FRMD7: variants seen among roughly 807,000 people sequenced by gnomAD.
FRMD7 encodes the protein FERM domain-containing protein 7.
A neutral mutation model predicts 44.1 loss-of-function variants in FRMD7; 14 were observed. That is an observed-to-expected ratio of 0.32 (90% CI 0.21 to 0.50). FRMD7 has a LOEUF of 0.50. Among genes scored for constraint, FRMD7 ranks in the 20% least tolerant of loss-of-function variants. The pLI is 0.99. For missense variants in FRMD7, 501 were observed against 522.3 expected (o/e 0.96, Z 0.40); for synonymous variants, 212 against 187.4 (o/e 1.13, Z -1.07).
chrX:132,111,918 C>T (rs933465189), intron 1 of FRMD7, among the ~76,000 whole-genome samples: 3 of 112,243 alleles, frequency 2.7e-5, no homozygotes, highest in African/African-American at 9.7e-5. Context: ...AGAGCTTAAA[C>T]CCCTCTGAAG....
intron 1 of FRMD7, among the ~76,000 whole-genome samples, chrX:132,120,228 T>A (rs185246422): frequency 3.6e-5 from 4 of 112,580 alleles, no homozygotes; most frequent in Admixed American, 1.9e-4. Flanking sequence ...TTGTGACAGG[T>A]CAAAACAATG....
chrX:132,124,353 C>T (rs990559151), intron 1 of FRMD7, among the ~76,000 whole-genome samples: 11 of 111,611 alleles, frequency 9.9e-5, no homozygotes, highest in East Asian at 5.6e-4. Context: ...ATAAGCTGTC[C>T]GTTGTAAGAT....
At chrX:132,106,353 C>T (rs1928647402) in intron 1 of FRMD7, among the ~76,000 whole-genome samples, 1 of 111,489 alleles carries the variant, frequency 9.0e-6, no homozygotes, top group Non-Finnish European at 1.9e-5. Flanking sequence ...TAATGACTAT[C>T]ATTAAAAAGT....
Position 132,124,639 on chromosome X carries a change from A to T in FRMD7, c.57+3149T>A, listed in dbSNP as rs531478269. On this transcript the variant is annotated intron_variant, in intron 1 of 11. Transcript: ENST00000298542. ...GAGCACAAATATGCAAAGAAACCTCAGGAAAACAAGATGTATTTGGGAGCA... is the reference window on the plus strand; with the variant it reads ...GAGCACAAATATGCAAAGAAACCTCTGGAAAACAAGATGTATTTGGGAGCA... Among the ~76,000 whole-genome samples the T allele has an allele frequency of 2.7e-5, 3 of 112,367 alleles. No individual in the cohort carries two copies. In the South Asian group the frequency reaches 1.1e-3, roughly 41 times the overall value.
intron 1 of FRMD7, among the ~76,000 whole-genome samples, chrX:132,123,321 A>G (rs1206251962): frequency 9.0e-6 from 1 of 111,630 alleles, no homozygotes; most frequent in Non-Finnish European, 1.9e-5. Flanking sequence ...CCTAATTTGT[A>G]TTACTCCTCG....
Position 132,103,508 on chromosome X carries a change from CTATCTATCTATCT to C in FRMD7, c.58-2805_58-2793del, listed in dbSNP as rs1277614353. ...AATGTCTATCTATCTATCTATCTAT[CTATCTATCTATCT>C]ATCTATCTATCTCTATAATTTAAAC... On this transcript the variant is annotated intron_variant, in intron 1 of 11. Transcript: ENST00000298542. Among the ~76,000 whole-genome samples the C allele has an allele frequency of 6.4e-5, 7 of 109,809 alleles. No individual in the cohort carries two copies. The East Asian group carries it at 2.0e-3, about 31-fold the overall frequency.
At chrX:132,125,855 T>C (rs1424208476) in intron 1 of FRMD7, among the ~76,000 whole-genome samples, 1 of 111,488 alleles carries the variant, frequency 9.0e-6, no homozygotes, top group Non-Finnish European at 1.9e-5. Flanking sequence ...GAGTTCTGGA[T>C]TGGAAGTCCA....
intron 5 of FRMD7, among the ~76,000 whole-genome samples, chrX:132,089,464 G>A (rs1018130294): frequency 5.4e-5 from 6 of 111,393 alleles, no homozygotes; most frequent in South Asian, 7.5e-4. Flanking sequence ...ATACAACACC[G>A]AAAGAATGAT....
rs145634694 is a variant in FRMD7 at position 132,079,178 on chromosome X, C to T, written c.1051-212G>A. Among the ~76,000 whole-genome samples, 668 of 112,369 alleles carry T rather than the reference C, an allele frequency of 5.9e-3. 5 individuals carry two copies. Among genetic ancestry groups the T allele is most frequent in the African/African-American group, 0.02 (628 of 31,001 alleles). ...CATGTGTTAAAAAGTACATGTGACACTATTCTTTCTCAATGCCATCCTACT... is the reference window on the plus strand; with the variant it reads ...CATGTGTTAAAAAGTACATGTGACATTATTCTTTCTCAATGCCATCCTACT... On this transcript the variant is annotated intron_variant, in intron 11 of 11. Transcript: ENST00000298542.
chrX:132,110,088 C>A (rs1928739882), intron 1 of FRMD7, among the ~76,000 whole-genome samples: 1 of 111,219 alleles, frequency 9.0e-6, no homozygotes, highest in Non-Finnish European at 1.9e-5. Context: ...GCTGCCCAAG[C>A]TGTAAAGTGC....
Position 132,100,679 on chromosome X carries a change from C to T in FRMD7, c.95G>A (p.Cys32Tyr), listed in dbSNP as rs766245196. ...SSGKALFNLSCSHLNLAEKEY... is the reference protein window; with the variant it reads ...SSGKALFNLSYSHLNLAEKEY... ...CTTTTCAGCAAGATTTAGATGGCTG[C>T]AACTCAGGTTAAACAATGCCTTCCC... Residue 32 changes from cysteine to tyrosine, a missense_variant, in exon 2 of 12, where the codon TGC becomes TAC. Cys to Tyr is a radical substitution (Grantham distance 194). Around this residue, in one of 3 missense-constraint regions of FRMD7, gnomAD observed 24 missense variants for 21.6 expected, o/e 1.11. Coordinates refer to ENST00000298542, the MANE Select transcript of FRMD7 (RefSeq NM_194277.3). 7.5e-6 allele frequency: 9 copies of T among 1,207,777 alleles called. No individual in the cohort carries two copies. The East Asian group carries it at 2.7e-4, about 36-fold the overall frequency.
intron 5 of FRMD7, among the ~76,000 whole-genome samples, chrX:132,093,274 A>G (rs1569343400): frequency 8.9e-6 from 1 of 112,504 alleles, no homozygotes; most frequent in Admixed American, 9.4e-5. Context: ...TGAACTTAAG[A>G]TACAAAAAAT....
intron 5 of FRMD7, among the ~76,000 whole-genome samples, chrX:132,092,077 C>T (rs983819323): frequency 1.8e-5 from 2 of 111,602 alleles, no homozygotes; most frequent in African/African-American, 6.5e-5. Flanking sequence ...GGATTTTTGT[C>T]TGTTTATTGC....
At position 132,127,806 on chromosome X, in the gene FRMD7, C is replaced by T; in HGVS notation, c.39G>A (p.Gln13=). Residue 13 remains glutamine (Q), a synonymous_variant, in exon 1 of 12, where the codon CAG becomes CAA. Transcript: ENST00000298542. The part of the protein sequence containing the change: ...HLKVQFLDDS[Q]KIFVVDQKSS... ...CACTTACATCAACCACAAAAATCTT[C>T]TGGGAATCATCCAAAAACTGCACTT... 1 of 1,208,362 alleles carries T rather than the reference C, an allele frequency of 8.3e-7. No homozygotes were observed. The highest frequency in any genetic ancestry group is 1.1e-6 in the Non-Finnish European group (1 of 892,465).
chrX:132,097,209 T>C, intron 4 of FRMD7, 57 bp downstream of exon 4: 2 of 863,729 alleles, frequency 2.3e-6, no homozygotes, highest in Admixed American at 2.2e-5. Context: ...CCCCAATAAA[T>C]GGAGAATAAT....
intron 4 of FRMD7, among the ~76,000 whole-genome samples, chrX:132,096,550 T>TAA (rs767769507): frequency 1.7e-4 from 14 of 84,170 alleles, no homozygotes; most frequent in African/African-American, 4.8e-4. Context: ...GCCCCATCTC[T>TAA]AAAAAAAAAA....
chrX:132,084,394 C>T (rs924854606), intron 8 of FRMD7, 96 bp downstream of exon 8: 3 of 572,218 alleles, frequency 5.2e-6, no homozygotes, highest in Non-Finnish European at 9.4e-6. Flanking sequence ...TCAGGGCCAG[C>T]CGGCTTTTAC....
intron 9 of FRMD7, among the ~76,000 whole-genome samples, chrX:132,080,562 C>T (rs1927774917): frequency 8.9e-6 from 1 of 111,913 alleles, no homozygotes. Context: ...CACCTTAATC[C>T]CAGCCCTTTG....
At chrX:132,084,435 C>A in intron 8 of FRMD7, 55 bp downstream of exon 8, 1 of 751,968 alleles carries the variant, frequency 1.3e-6, no homozygotes, top group South Asian at 2.1e-5. Flanking sequence ...GCAGAAACAA[C>A]CAAAAAAATT....
Sources: allele counts gnomAD v4.1 joint callset (sites outside exome capture counted in the v4.1 genomes callset), GRCh38; gene constraint gnomAD v4.1.1; regional missense constraint gnomAD v4.1.1; transcripts MANE v1.5; gene names NCBI Gene and HGNC (gene_info 2026-07-23, HGNC 2026-07-21).